Variants in SHLD1 observed in about 807,000 individuals in gnomAD.
SHLD1 encodes the protein shieldin complex subunit 1, also known as RINN1-REV7-interacting novel NHEJ regulator 3.
A neutral mutation model predicts 5.5 loss-of-function variants in SHLD1; 3 were observed. That is an observed-to-expected ratio of 0.54 (90% confidence interval 0.25 to 1.40). The LOEUF is 1.40. Ranked by LOEUF, SHLD1 falls within the 40% of genes most tolerant of loss-of-function variation. SHLD1 has a pLI of 0.15. For missense variants in SHLD1, 210 were observed against 244.4 expected, an observed-to-expected ratio of 0.86 and a Z score of 0.94; for synonymous variants, 92 against 94.3, an observed-to-expected ratio of 0.98 and a Z score of 0.14.
intron 2 of SHLD1, among the ~76,000 whole-genome samples, chr20:5,794,465 G>A (rs573595563): frequency 2.6e-5 from 4 of 152,284 alleles, no homozygotes; most frequent in Admixed American, 2.6e-4. Flanking sequence ...AAGTTATTCG[G>A]ATTAACACTG....
chr20:5,798,646 C>T (rs2087247154), intron 2 of SHLD1, among the ~76,000 whole-genome samples: 1 of 133,258 alleles, frequency 7.5e-6, no homozygotes, highest in African/African-American at 2.9e-5. Context: ...GAGACGGAGT[C>T]TTACTCTGTC....
intron 2 of SHLD1, among the ~76,000 whole-genome samples, chr20:5,836,132 A>T (rs926786612): frequency 6.6e-6 from 1 of 151,602 alleles, no homozygotes. Flanking sequence ...TTTCAACAAC[A>T]TGAGCTGCTT....
intron 2 of SHLD1, among the ~76,000 whole-genome samples, chr20:5,785,228 G>T (rs1370965150): frequency 1.3e-5 from 2 of 152,170 alleles, no homozygotes; most frequent in African/African-American, 2.4e-5. Flanking sequence ...AAGATGGCTG[G>T]TTTTTCCATT....
chr20:5,754,016 G>A (rs774306373), intron 1 of SHLD1, among the ~76,000 whole-genome samples: 9 of 152,222 alleles, frequency 5.9e-5, no homozygotes, highest in African/African-American at 9.6e-5. Flanking sequence ...GACAAACGAC[G>A]CCGCTTCAGA....
At chr20:5,807,570 G>C (rs77443858) in intron 2 of SHLD1, among the ~76,000 whole-genome samples, 1 of 151,992 alleles carries the variant, frequency 6.6e-6, no homozygotes, top group South Asian at 2.1e-4. Flanking sequence ...TTGAGGTCTC[G>C]TCATGTTGCC....
intron 1 of SHLD1, among the ~76,000 whole-genome samples, chr20:5,767,124 T>TTTCTC (rs1984877156): frequency 1.3e-5 from 1 of 76,794 alleles, no homozygotes; most frequent in South Asian, 5.4e-4. Flanking sequence ...CCATTCACAT[T>TTTCTC]TTCTTTTCTT....
intron 2 of SHLD1, among the ~76,000 whole-genome samples, chr20:5,823,445 G>A (rs965696298): frequency 1.9e-5 from 2 of 105,288 alleles, no homozygotes; most frequent in East Asian, 5.3e-4. Flanking sequence ...GTTTTTTGTT[G>A]TTTTTTGTTT....
At chr20:5,849,220 C>T (rs977965390) in intron 2 of SHLD1, among the ~76,000 whole-genome samples, 4 of 152,146 alleles carry the variant, frequency 2.6e-5, no homozygotes, top group African/African-American at 9.7e-5. Flanking sequence ...CCTGGTGTTA[C>T]GACGCAGCAG....
intron 2 of SHLD1, 102 bp from the exon 3 acceptor site, chr20:5,862,922 C>A: frequency 9.9e-7 from 1 of 1,014,932 alleles, no homozygotes; most frequent in Non-Finnish European, 1.4e-6. Context: ...TACTCAGGAA[C>A]AGTAAGCATG....
rs73894027 is a variant in SHLD1, at chr20:5,771,583, C to A, written c.-4-1279C>A. Among the ~76,000 whole-genome samples, 402 of 151,770 alleles carry A rather than the reference C, an allele frequency of 2.6e-3. 1 individual carries two copies. The highest frequency in any genetic ancestry group is 9.3e-3 in the African/African-American group (385 of 41,428). On this transcript the variant is annotated intron_variant, in intron 1 of 2. Transcript: ENST00000303142. ...AAATGTAAGGCCTTTTTCATCTTAA[C>A]TAAGCACTTATGTACTGTGGCCATA...
chr20:5,803,528 G>A (rs1159371377), intron 2 of SHLD1, among the ~76,000 whole-genome samples: 2 of 152,064 alleles, frequency 1.3e-5, no homozygotes, highest in Admixed American at 1.3e-4. Context: ...GTGGGAGCCT[G>A]TGGCTTCAGG....
At chr20:5,856,602 G>C (rs1024473664) in intron 2 of SHLD1, among the ~76,000 whole-genome samples, 1 of 152,180 alleles carries the variant, frequency 6.6e-6, no homozygotes, top group Non-Finnish European at 1.5e-5. Flanking sequence ...CTTATCCAGG[G>C]CATGGTGAGG....
chr20:5,787,666 C>G (rs950380985), intron 2 of SHLD1, among the ~76,000 whole-genome samples: 1 of 152,136 alleles, frequency 6.6e-6, no homozygotes, highest in African/African-American at 2.4e-5. Context: ...TCAGTCAGTT[C>G]CTGGCACATG....
intron 2 of SHLD1, among the ~76,000 whole-genome samples, chr20:5,778,631 G>A (rs796553423): frequency 1.5e-4 from 23 of 151,048 alleles, no homozygotes; most frequent in African/African-American, 5.6e-4. Flanking sequence ...ATAAGGACCA[G>A]ATCACCCAGA....
At chr20:5,775,669 T>G (rs1295213272) in intron 2 of SHLD1, among the ~76,000 whole-genome samples, 1 of 152,170 alleles carries the variant, frequency 6.6e-6, no homozygotes, top group Non-Finnish European at 1.5e-5. Context: ...CGTGCTGGAT[T>G]AGACAGCCTG....
At chr20:5,816,032 G>C (rs1398166599) in intron 2 of SHLD1, among the ~76,000 whole-genome samples, 1 of 132,944 alleles carries the variant, frequency 7.5e-6, no homozygotes, top group Admixed American at 8.9e-5. Flanking sequence ...AGTGAGCTGA[G>C]ATCACACCAC....
At chr20:5,777,313 A>G (rs1985476102) in intron 2 of SHLD1, among the ~76,000 whole-genome samples, 1 of 152,116 alleles carries the variant, frequency 6.6e-6, no homozygotes, top group African/African-American at 2.4e-5. Flanking sequence ...TTTAATTCTT[A>G]TCACATACCT....
chr20:5,786,882 G>A (rs773342571), intron 2 of SHLD1, among the ~76,000 whole-genome samples: 1 of 99,168 alleles, frequency 1.0e-5, no homozygotes, highest in Non-Finnish European at 2.0e-5. Flanking sequence ...AGACAAAAAG[G>A]CTTCTCAAGC....
At chr20:5,797,403 A>G (rs751075310) in intron 2 of SHLD1, among the ~76,000 whole-genome samples, 20 of 152,152 alleles carry the variant, frequency 1.3e-4, no homozygotes, top group Non-Finnish European at 2.6e-4. Flanking sequence ...TCTACAAAAT[A>G]TAAACAAAAT....
Sources: allele counts gnomAD v4.1 joint callset (sites outside exome capture counted in the v4.1 genomes callset), GRCh38; gene constraint gnomAD v4.1.1; transcripts MANE v1.5; gene names NCBI Gene and HGNC (gene_info 2026-07-23, HGNC 2026-07-21).